DNAH6: variants seen among roughly 807,000 people sequenced by gnomAD.
DNAH6 encodes axonemal beta dynein heavy chain 6.
A neutral mutation model predicts 491.4 loss-of-function variants in DNAH6; 340 were observed. That is an observed-to-expected ratio of 0.69 (90% CI 0.63 to 0.76). The LOEUF (loss-of-function observed/expected upper bound fraction) is 0.76. Among genes scored for constraint, DNAH6 ranks in the 30% least tolerant of loss-of-function variants. DNAH6 has a pLI of 0.00. For missense variants in DNAH6, 4,443 were observed against 4,972.2 expected (o/e 0.89, Z 3.20); for synonymous variants, 1,603 against 1,686.1 (o/e 0.95, Z 1.21).
chr2:84,478,189 T>G, the DNAH6 span, among the ~76,000 whole-genome samples: 8 of 152,140 alleles, frequency 5.3e-5, no homozygotes, highest in Non-Finnish European at 1.0e-4. Flanking sequence ...CACTTAACAC[T>G]TCCTCCTAGG....
chr2:84,577,943 T>C lies in DNAH6; in HGVS notation c.2076+535T>C, dbSNP rs561134845. On this transcript the variant is annotated intron_variant, in intron 13 of 76. Coordinates refer to ENST00000389394, the MANE Select transcript of DNAH6 (RefSeq NM_001370.2). ...TGATATAAAACAGGAATTGGAAAAC[T>C]ATAGCCCACAGAGCCAACCCAGCCT... Among the ~76,000 whole-genome samples, 81 of 152,342 alleles carry C rather than the reference T, an allele frequency of 5.3e-4. 1 individual carries two copies. The Middle Eastern group carries it at 0.01, about 19-fold the overall frequency.
intron 3 of DNAH6, among the ~76,000 whole-genome samples, chr2:84,528,508 C>T (rs1676818371): frequency 6.6e-6 from 1 of 152,038 alleles, no homozygotes; most frequent in African/African-American, 2.4e-5. Flanking sequence ...TGAAGAGCAT[C>T]AAGGTGGTCA....
chr2:84,482,091 G>T, the DNAH6 span, among the ~76,000 whole-genome samples: 46,784 of 151,938 alleles, frequency 0.31, 8,337 homozygotes, highest in South Asian at 0.43. Flanking sequence ...AACTTTTTTT[G>T]CCAAAGAAGA....
intron 9 of DNAH6, among the ~76,000 whole-genome samples, chr2:84,550,836 A>G (rs1679272299): frequency 1.3e-5 from 2 of 152,194 alleles, no homozygotes; most frequent in Non-Finnish European, 2.9e-5. Context: ...AAAAGAGATA[A>G]ACAATAGTTT....
intron 65 of DNAH6, 133 bp downstream of exon 65, chr2:84,781,786 C>A: frequency 8.8e-7 from 1 of 1,141,070 alleles, no homozygotes; most frequent in Non-Finnish European, 1.2e-6. Context: ...AATTTGAGGC[C>A]TAGACAGATT....
intron 65 of DNAH6, among the ~76,000 whole-genome samples, chr2:84,783,667 A>T (rs527793225): frequency 6.6e-6 from 1 of 152,248 alleles, no homozygotes; most frequent in Non-Finnish European, 1.5e-5. Context: ...TTAAGGGCCT[A>T]GTGTACCATG....
At chr2:84,677,230 G>A in intron 41 of DNAH6, 94 bp downstream of exon 41, 5 of 1,478,806 alleles carry the variant, frequency 3.4e-6, no homozygotes, top group Non-Finnish European at 4.6e-6. Context: ...TGTTTCTAAG[G>A]AGTCCATCTA....
At position 84,669,523 on chromosome 2, in the gene DNAH6, C is replaced by T. The variant is rs530601922; in HGVS notation, c.6306+13C>T. Reference sequence around the variant, plus strand: ...TGGAGTGGGCAAGGTAGGAAACTTACATCAAACAAGAAGTCCTCTCCAAAT... The same window carrying T: ...TGGAGTGGGCAAGGTAGGAAACTTATATCAAACAAGAAGTCCTCTCCAAAT... On this transcript the variant is annotated intron_variant, in intron 38 of 76. Coordinates refer to ENST00000389394, the MANE Select transcript of DNAH6 (RefSeq NM_001370.2). 101 of 1,547,872 alleles carry T rather than the reference C, an allele frequency of 6.5e-5. No individual in the cohort carries two copies. The South Asian group carries it at 7.4e-4, about 11-fold the overall frequency.
At chr2:84,535,953 ATGTT>A (rs960491165) in intron 4 of DNAH6, among the ~76,000 whole-genome samples, 2 of 152,000 alleles carry the variant, frequency 1.3e-5, no homozygotes, top group African/African-American at 4.8e-5. Flanking sequence ...CTTCTTAAAA[ATGTT>A]TGTTACAACC....
At chr2:84,505,598 G>C in the DNAH6 span, among the ~76,000 whole-genome samples, 1 of 151,908 alleles carries the variant, frequency 6.6e-6, no homozygotes, top group Non-Finnish European at 1.5e-5. Context: ...TAAGGTACAT[G>C]TGCACAACAT....
At chr2:84,558,654 T>C (rs1558712956) in intron 11 of DNAH6, among the ~76,000 whole-genome samples, 1 of 152,220 alleles carries the variant, frequency 6.6e-6, no homozygotes, top group Non-Finnish European at 1.5e-5. Context: ...TTTCACTATT[T>C]TGGGCCATAG....
At chr2:84,619,593 G>T (rs1687206759) in intron 23 of DNAH6, 92 bp from the exon 24 acceptor site, 2 of 1,160,672 alleles carry the variant, frequency 1.7e-6, no homozygotes, top group Non-Finnish European at 2.5e-6. Context: ...TGGTGGACAG[G>T]GAAGAGATGT....
intron 76 of DNAH6, among the ~76,000 whole-genome samples, chr2:84,816,701 T>A (rs1028442553): frequency 9.2e-5 from 14 of 152,096 alleles, no homozygotes; most frequent in Non-Finnish European, 2.9e-5. Context: ...CCAGCCTAGG[T>A]AACAAGAGCG....
chr2:84,729,905 G>A (rs1698984016), intron 61 of DNAH6, among the ~76,000 whole-genome samples: 1 of 152,054 alleles, frequency 6.6e-6, no homozygotes, highest in South Asian at 2.1e-4. Context: ...AAATTTTCTG[G>A]AATAACCTCA....
At chr2:84,778,216 G>T (rs1482837178) in intron 64 of DNAH6, 66 of 660,986 alleles carry the variant, frequency 1.0e-4, no homozygotes, top group Middle Eastern at 9.0e-4. Flanking sequence ...ATCCTTGAGA[G>T]TTGCCATATT....
intron 58 of DNAH6, among the ~76,000 whole-genome samples, chr2:84,716,666 T>C (rs997348452): frequency 2.0e-5 from 3 of 152,210 alleles, no homozygotes; most frequent in Non-Finnish European, 4.4e-5. Context: ...ACACTTTGCA[T>C]ACCAGTTTAT....
At chr2:84,773,174 G>A (rs1326981788) in intron 64 of DNAH6, among the ~76,000 whole-genome samples, 1 of 152,020 alleles carries the variant, frequency 6.6e-6, no homozygotes, top group East Asian at 1.9e-4. Context: ...TATCACTGAA[G>A]TAGTGAGCAT....
intron 18 of DNAH6, among the ~76,000 whole-genome samples, chr2:84,599,001 G>A (rs1296919403): frequency 7.0e-6 from 1 of 142,228 alleles, no homozygotes; most frequent in Non-Finnish European, 1.5e-5. Flanking sequence ...CTGTACTCAG[G>A]CATGGGCCAT....
chr2:84,490,722 C>T, the DNAH6 span, among the ~76,000 whole-genome samples: 2 of 152,166 alleles, frequency 1.3e-5, no homozygotes, highest in East Asian at 1.9e-4. Flanking sequence ...CCACCACACT[C>T]GGCTAATTTT....
Sources: gnomAD v4.1 joint callset for allele counts (sites outside exome capture counted in the v4.1 genomes callset) on GRCh38, gnomAD v4.1.1 for gene constraint, MANE v1.5 for transcripts, NCBI Gene and HGNC (gene_info 2026-07-23, HGNC 2026-07-21) for gene names.